Variants in SLC35F2 observed in about 807,000 individuals in gnomAD.
SLC35F2 encodes solute carrier family 35 member F2.
In SLC35F2, 25 loss-of-function variants were observed where a neutral mutation model predicts 38.1. The observed-to-expected ratio is 0.66, with a 90% CI of 0.48 to 0.92. SLC35F2 has a LOEUF of 0.92. Among genes scored for constraint, SLC35F2 ranks in the 40% least tolerant of loss-of-function variants. The probability of loss-of-function intolerance (pLI) is 0.00; values close to 1 mark genes in which losing one functional copy is unlikely to be tolerated. For synonymous variants in SLC35F2, 173 were observed against 181.7 expected (o/e 0.95, Z 0.38); for missense variants, 409 against 452.9 (o/e 0.90, Z 0.88).
At chr11:107,807,018 CT>C in intron 3 of SLC35F2, 142 bp from the exon 4 acceptor site, 1 of 682,660 alleles carries the variant, frequency 1.5e-6, no homozygotes. Flanking sequence ...GTACTAAGAG[CT>C]TTACCTGGAT....
intron 7 of SLC35F2, among the ~76,000 whole-genome samples, chr11:107,795,498 C>A (rs1372323182): frequency 1.3e-5 from 2 of 152,136 alleles, no homozygotes; most frequent in Non-Finnish European, 2.9e-5. Context: ...AGTTTCTGCA[C>A]AGCAAAGAAG....
At chr11:107,810,302 T>A (rs995844027) in intron 3 of SLC35F2, 6 of 985,404 alleles carry the variant, frequency 6.1e-6, no homozygotes, top group Non-Finnish European at 7.2e-6. Context: ...TCTTTGAAAT[T>A]GAAAGAAGGC....
intron 1 of SLC35F2, among the ~76,000 whole-genome samples, chr11:107,847,303 G>C (rs1018128231): frequency 6.6e-6 from 1 of 151,972 alleles, no homozygotes; most frequent in Non-Finnish European, 1.5e-5. Flanking sequence ...TTCCTGTCTT[G>C]GTGTTCCAAA....
At chr11:107,849,599 A>G (rs2456080) in intron 1 of SLC35F2, among the ~76,000 whole-genome samples, 51,540 of 148,750 alleles carry the variant, frequency 0.35, 9,138 homozygotes, top group South Asian at 0.48. Flanking sequence ...AGATTGCGCC[A>G]CTGCACTCCA....
chr11:107,811,380 C>T (rs1173725801), intron 3 of SLC35F2: 3 of 354,366 alleles, frequency 8.5e-6, no homozygotes, highest in Non-Finnish European at 7.9e-6. Flanking sequence ...AAACAGAACA[C>T]GTGTCAACAC....
intron 7 of SLC35F2, among the ~76,000 whole-genome samples, chr11:107,799,871 T>G (rs1859278293): frequency 1.5e-5 from 2 of 137,846 alleles, no homozygotes. Flanking sequence ...CTTTGGCTTT[T>G]TTTTTGTTTT....
At chr11:107,840,515 A>G (rs1442225692) in intron 1 of SLC35F2, among the ~76,000 whole-genome samples, 1 of 152,250 alleles carries the variant, frequency 6.6e-6, no homozygotes, top group Non-Finnish European at 1.5e-5. Flanking sequence ...GCGGATTATC[A>G]AAACAAAAAT....
At chr11:107,823,229 A>G (rs1315217810) in intron 1 of SLC35F2, 8 of 984,852 alleles carry the variant, frequency 8.1e-6, no homozygotes, top group Non-Finnish European at 9.6e-6. Flanking sequence ...CATGATCAGG[A>G]CGGCAAACCA....
chr11:107,847,501 C>A (rs1173561458), intron 1 of SLC35F2, among the ~76,000 whole-genome samples: 1 of 152,276 alleles, frequency 6.6e-6, no homozygotes, highest in East Asian at 1.9e-4. Flanking sequence ...AGTCTTAACT[C>A]ATACATATCA....
intron 1 of SLC35F2, among the ~76,000 whole-genome samples, chr11:107,827,374 C>A (rs572625712): frequency 2.0e-5 from 3 of 150,020 alleles, no homozygotes; most frequent in Non-Finnish European, 4.5e-5. Context: ...CAGCACTTTG[C>A]GAGGCCAAGG....
intron 3 of SLC35F2, among the ~76,000 whole-genome samples, chr11:107,808,666 G>A (rs959286178): frequency 6.6e-6 from 1 of 152,132 alleles, no homozygotes; most frequent in South Asian, 2.1e-4. Context: ...CATCAGTGGA[G>A]TCCAACGCAT....
At chr11:107,839,947 C>A (rs1240616916) in intron 1 of SLC35F2, among the ~76,000 whole-genome samples, 2 of 152,194 alleles carry the variant, frequency 1.3e-5, no homozygotes, top group African/African-American at 4.8e-5. Context: ...GCCACCGTGC[C>A]CAACCTGAAA....
chr11:107,818,650 T>A (rs1000473940), intron 1 of SLC35F2, among the ~76,000 whole-genome samples: 2 of 152,182 alleles, frequency 1.3e-5, no homozygotes, highest in Non-Finnish European at 2.9e-5. Flanking sequence ...GAGAGGGCCA[T>A]CCATATTGAT....
chr11:107,847,254 T>A (rs1395467500), intron 1 of SLC35F2, among the ~76,000 whole-genome samples: 1 of 152,154 alleles, frequency 6.6e-6, no homozygotes, highest in East Asian at 1.9e-4. Flanking sequence ...TCTCGCTTTG[T>A]TGCCCAGGCT....
chr11:107,812,006 A>G lies in SLC35F2; in HGVS notation c.287-212T>C, dbSNP rs563589686. On this transcript the variant is annotated intron_variant, in intron 2 of 7. Transcript: ENST00000525815. The stretch of plus-strand genomic sequence containing the variant: ...AACCTCTGCCTCCTGGGTTCAAGCC[A>G]TCCTCCCACCTCAGCCTCCTGAGTA... 3.3e-5 allele frequency among the ~76,000 whole-genome samples: 5 copies of G among 152,004 alleles called. No homozygotes were observed. In the South Asian group the frequency reaches 6.2e-4, roughly 19 times the overall value.
intron 1 of SLC35F2, among the ~76,000 whole-genome samples, chr11:107,843,881 A>G (rs1591208115): frequency 2.4e-5 from 1 of 42,162 alleles, no homozygotes; most frequent in East Asian, 6.5e-4. Flanking sequence ...ATATATATAT[A>G]TATATATATA....
intron 1 of SLC35F2, among the ~76,000 whole-genome samples, chr11:107,824,881 T>C (rs1189655756): frequency 6.6e-6 from 1 of 152,168 alleles, no homozygotes; most frequent in African/African-American, 2.4e-5. Context: ...CCATTGAGTG[T>C]TTGAAACATG....
chr11:107,827,983 C>G (rs1859781966), intron 1 of SLC35F2, among the ~76,000 whole-genome samples: 1 of 152,162 alleles, frequency 6.6e-6, no homozygotes, highest in African/African-American at 2.4e-5. Flanking sequence ...CGGCTGATTT[C>G]AGACCTGGGG....
chr11:107,829,225 CCTGGT>C (rs1272750343), intron 1 of SLC35F2, among the ~76,000 whole-genome samples: 1 of 151,922 alleles, frequency 6.6e-6, no homozygotes, highest in Non-Finnish European at 1.5e-5. Flanking sequence ...TCGAGACCAG[CCTGGT>C]CAACATGGTG....
Sources: allele counts gnomAD v4.1 joint callset (sites outside exome capture counted in the v4.1 genomes callset), GRCh38; gene constraint gnomAD v4.1.1; transcripts MANE v1.5; gene names NCBI Gene and HGNC (gene_info 2026-07-23, HGNC 2026-07-21).